Variants in GALK2 observed in about 807,000 individuals in gnomAD.
GALK2 encodes the protein galactokinase 2.
A neutral mutation model predicts 52.4 loss-of-function variants in GALK2; 36 were observed. That is an observed-to-expected ratio of 0.69 (90% CI 0.53 to 0.91). The LOEUF (loss-of-function observed/expected upper bound fraction) is 0.91. GALK2 is among the 40% of genes least tolerant of loss of function. The pLI, the probability that GALK2 is intolerant of heterozygous loss-of-function variation, is 0.00. For synonymous variants in GALK2, 176 were observed against 199.1 expected (o/e 0.88, Z 0.98); for missense variants, 579 against 559.1 (o/e 1.04, Z -0.36).
intron 3 of GALK2, among the ~76,000 whole-genome samples, chr15:49,349,239 C>T (rs954092795): frequency 2.6e-5 from 4 of 152,082 alleles, no homozygotes; most frequent in African/African-American, 4.8e-5. Flanking sequence ...ACAATACTTA[C>T]AATACTCATA....
chr15:49,285,253 C>G (rs943636532), intron 7 of GALK2, among the ~76,000 whole-genome samples: 6 of 152,124 alleles, frequency 3.9e-5, no homozygotes, highest in African/African-American at 1.4e-4. Flanking sequence ...CAGTCTTTCC[C>G]TCTTGAAATA....
chr15:49,159,261 A>G (rs143164965), intron 1 of GALK2, among the ~76,000 whole-genome samples: 1 of 152,350 alleles, frequency 6.6e-6, no homozygotes, highest in African/African-American at 2.4e-5. Context: ...TGCAGTGAAT[A>G]TCTTTGAAAT....
intron 3 of GALK2, among the ~76,000 whole-genome samples, chr15:49,359,903 G>A (rs1488712036): frequency 5.4e-5 from 8 of 148,050 alleles, no homozygotes; most frequent in South Asian, 2.2e-4. Context: ...GGAATACTAC[G>A]CAGCCATAAA....
At chr15:49,248,368 T>C (rs2091446153) in intron 5 of GALK2, among the ~76,000 whole-genome samples, 2 of 152,198 alleles carry the variant, frequency 1.3e-5, no homozygotes, top group Non-Finnish European at 1.5e-5. Flanking sequence ...ATCCATATAA[T>C]GGTTAAGGAA....
intron 3 of GALK2, among the ~76,000 whole-genome samples, chr15:49,351,720 A>C (rs1473268574): frequency 6.6e-6 from 1 of 151,432 alleles, no homozygotes; most frequent in Non-Finnish European, 1.5e-5. Flanking sequence ...GAAAAGTTGA[A>C]CCCTGATAAC....
intron 3 of GALK2, chr15:49,366,640 G>C (rs973247454): frequency 1.3e-6 from 2 of 1,576,242 alleles, no homozygotes; most frequent in African/African-American, 2.7e-5. Context: ...GGAAGCCCCA[G>C]AGCAGGGCGG....
chr15:49,353,341 C>T (rs1051806771), intron 3 of GALK2: 3 of 152,104 alleles, frequency 2.0e-5, no homozygotes, highest in East Asian at 3.8e-4. Context: ...TTCCTCTTCC[C>T]TTCGCCTGTT....
At chr15:49,285,156 A>C (rs968657253) in intron 7 of GALK2, among the ~76,000 whole-genome samples, 1 of 152,154 alleles carries the variant, frequency 6.6e-6, no homozygotes, top group Non-Finnish European at 1.5e-5. Flanking sequence ...AGGCCACCAA[A>C]GGTTTTTTCA....
chr15:49,309,730 C>G (rs949672142), intron 8 of GALK2, among the ~76,000 whole-genome samples: 1 of 151,912 alleles, frequency 6.6e-6, no homozygotes, highest in Non-Finnish European at 1.5e-5. Flanking sequence ...AAGCAATTCT[C>G]ATGCCTCGGC....
intron 8 of GALK2, among the ~76,000 whole-genome samples, chr15:49,314,511 T>C (rs889103921): frequency 6.6e-6 from 1 of 152,240 alleles, no homozygotes; most frequent in Non-Finnish European, 1.5e-5. Context: ...ATTGTACTTG[T>C]CTCACTACTG....
chr15:49,336,482 C>T (rs2039732959), downstream of GALK2, among the ~76,000 whole-genome samples: 1 of 152,208 alleles, frequency 6.6e-6, no homozygotes, highest in Non-Finnish European at 1.5e-5. Flanking sequence ...TCTGCCATCA[C>T]TAAGATATAG....
intron 1 of GALK2, among the ~76,000 whole-genome samples, chr15:49,180,274 T>C (rs1020434229): frequency 1.3e-5 from 2 of 152,224 alleles, no homozygotes; most frequent in Admixed American, 1.3e-4. Context: ...CATCTGTATA[T>C]GATTTTCACA....
chr15:49,155,778 T>G (rs1229260988), exon 1 of GALK2: 1 of 669,166 alleles, frequency 1.5e-6, no homozygotes, highest in Non-Finnish European at 2.6e-6. Context: ...TCCTCCGAAG[T>G]GGTTGGTGCC....
chr15:49,339,578 C>T (rs2040351727), intron 3 of GALK2, among the ~76,000 whole-genome samples: 1 of 152,146 alleles, frequency 6.6e-6, no homozygotes, highest in African/African-American at 2.4e-5. Context: ...TGGGAGGTGC[C>T]TCCCAGTCAG....
In GALK2 at chr15:49,318,980, G is replaced by A. The variant is rs1028433108; in HGVS notation, c.968-624G>A. 32 of 442,924 alleles carry A rather than the reference G, an allele frequency of 7.2e-5. No individual in the cohort carries two copies. In the East Asian group the frequency reaches 2.0e-3, roughly 27 times the overall value. 27.4% of individuals were successfully genotyped at this position (442,924 alleles called of 1,614,324 possible). On this transcript the variant is annotated intron_variant, in intron 8 of 9. Transcript: ENST00000560031. The stretch of plus-strand genomic sequence containing the variant: ...TTTTTTTTTTTTTTGAGACGGAGTC[G>A]TGCTCTATCGCCCAGGCTGGAGTGC...
chr15:49,164,530 C>T (rs2141155462), intron 1 of GALK2, among the ~76,000 whole-genome samples: 1 of 152,048 alleles, frequency 6.6e-6, no homozygotes, highest in Non-Finnish European at 1.5e-5. Context: ...CCTGTAATCG[C>T]AGCACTTTGG....
chr15:49,245,525 A>C (rs923124369), intron 5 of GALK2, among the ~76,000 whole-genome samples: 3 of 152,204 alleles, frequency 2.0e-5, no homozygotes, highest in Non-Finnish European at 2.9e-5. Flanking sequence ...TGAAAGATGA[A>C]GAGATGAGAA....
At chr15:49,293,154 C>T (rs756222787) in intron 8 of GALK2, among the ~76,000 whole-genome samples, 1 of 152,064 alleles carries the variant, frequency 6.6e-6, no homozygotes, top group Non-Finnish European at 1.5e-5. Flanking sequence ...TTGCCCTTAG[C>T]GGATGGTTAT....
At position 49,319,358 on chromosome 15, in the gene GALK2, A is replaced by G. The variant is rs938473149; in HGVS notation, c.968-246A>G. 2.0e-5 allele frequency among the ~76,000 whole-genome samples: 3 copies of G among 152,166 alleles called. No individual in the cohort carries two copies. In the South Asian group the frequency reaches 6.2e-4, roughly 32 times the overall value. On this transcript the variant is annotated intron_variant, in intron 8 of 9. Coordinates refer to ENST00000560031, the MANE Select transcript of GALK2 (RefSeq NM_002044.4). Reference sequence around the variant, plus strand: ...TTAGATTGCACACAAGTATATGCACATGTGTGTTGAGTGAAGTGAAGGAAA... The same window carrying G: ...TTAGATTGCACACAAGTATATGCACGTGTGTGTTGAGTGAAGTGAAGGAAA...
Sources: gnomAD v4.1 joint callset for allele counts (sites outside exome capture counted in the v4.1 genomes callset) on GRCh38, gnomAD v4.1.1 for gene constraint, MANE v1.5 for transcripts, NCBI Gene and HGNC (gene_info 2026-07-23, HGNC 2026-07-21) for gene names.